Variants in AIM2 observed in about 807,000 individuals in gnomAD.
The protein encoded by AIM2 is absent in melanoma 2.
Under a neutral mutation model 27.7 loss-of-function variants are expected in AIM2, and 30 were observed. The ratio of observed to expected loss-of-function variants is 1.08; its 90% CI spans 0.81 to 1.47. AIM2 has a LOEUF of 1.47. AIM2 is among the 40% of genes most tolerant of loss of function. AIM2 has a pLI of 0.00. For missense variants in AIM2, 358 were observed against 411.3 expected (o/e 0.87, Z 1.12); for synonymous variants, 141 against 145.3 (o/e 0.97, Z 0.21).
At chr1:159,139,388 T>C (rs999119335) in intron 1 of AIM2, among the ~76,000 whole-genome samples, 1 of 152,228 alleles carries the variant, frequency 6.6e-6, no homozygotes, top group Non-Finnish European at 1.5e-5. Context: ...TTCCCTATTT[T>C]GTGTCCAGGT....
chr1:159,142,384 T>C (rs956696409), upstream of AIM2, among the ~76,000 whole-genome samples: 7 of 152,194 alleles, frequency 4.6e-5, no homozygotes, highest in African/African-American at 1.7e-4. Context: ...TGTGTAAGTA[T>C]GTGTGAACGT....
At chr1:159,109,224 G>C (rs888062860) in intron 1 of AIM2, among the ~76,000 whole-genome samples, 3 of 152,118 alleles carry the variant, frequency 2.0e-5, no homozygotes, top group Non-Finnish European at 4.4e-5. Context: ...TAGAGCAATG[G>C]AACAGAATAG....
At chr1:159,097,086 G>C (rs1657196640) in intron 1 of AIM2, among the ~76,000 whole-genome samples, 1 of 151,956 alleles carries the variant, frequency 6.6e-6, no homozygotes, top group African/African-American at 2.4e-5. Context: ...ATGAATTCTT[G>C]AGCTGCAGGA....
intron 1 of AIM2, among the ~76,000 whole-genome samples, chr1:159,114,068 T>C (rs1328985798): frequency 6.6e-6 from 1 of 152,226 alleles, no homozygotes; most frequent in Non-Finnish European, 1.5e-5. Context: ...AAGATTATTT[T>C]AGGTGTAGAG....
chr1:159,128,260 T>TACAC (rs35254795), intron 1 of AIM2, among the ~76,000 whole-genome samples: 11,910 of 147,760 alleles, frequency 0.081, 609 homozygotes, highest in African/African-American at 0.15. Context: ...TGCCAAGGCT[T>TACAC]ACACACACAC....
At chr1:159,085,437 A>G (rs1656885592) in intron 1 of AIM2, among the ~76,000 whole-genome samples, 1 of 152,238 alleles carries the variant, frequency 6.6e-6, no homozygotes, top group African/African-American at 2.4e-5. Context: ...TGATAGTGTC[A>G]TTACAGAGAC....
At chr1:159,137,879 C>T (rs950305225) in intron 1 of AIM2, among the ~76,000 whole-genome samples, 1 of 152,134 alleles carries the variant, frequency 6.6e-6, no homozygotes, top group Admixed American at 6.5e-5. Flanking sequence ...TGAACGACAT[C>T]CCTCATGAGA....
downstream of AIM2, among the ~76,000 whole-genome samples, chr1:159,057,556 T>C (rs902161445): frequency 6.6e-6 from 1 of 152,172 alleles, no homozygotes; most frequent in African/African-American, 2.4e-5. Context: ...GCAGGATTAT[T>C]GCTCAGAACT....
intron 1 of AIM2, among the ~76,000 whole-genome samples, chr1:159,110,919 G>A (rs879266958): frequency 7.9e-5 from 12 of 152,030 alleles, no homozygotes; most frequent in African/African-American, 1.4e-4. Context: ...TGAGAGTGTG[G>A]GACTCTTGCA....
intron 1 of AIM2, among the ~76,000 whole-genome samples, chr1:159,111,805 A>AAC (rs1557908542): frequency 2.0e-5 from 3 of 147,390 alleles, no homozygotes; most frequent in Admixed American, 6.8e-5. Flanking sequence ...AAAAAAAAAA[A>AAC]AAAAAAAAAC....
upstream of AIM2, among the ~76,000 whole-genome samples, chr1:159,077,996 T>A (rs1454493883): frequency 6.6e-6 from 1 of 152,188 alleles, no homozygotes; most frequent in Non-Finnish European, 1.5e-5. Flanking sequence ...CTCAAGATGC[T>A]CAAGGAGCAG....
Position 159,139,918 on chromosome 1 carries a change from C to A in AIM2, c.-16+513G>T, listed in dbSNP as rs7536264. On this transcript the variant is annotated intron_variant, in intron 1 of 2. Transcript: ENST00000368129. ...TATAGAAATAATATCCTTACCTTCT[C>A]GGAATTCTCATGGTTAAGCACCTCC... 8.7e-3 allele frequency among the ~76,000 whole-genome samples: 1,317 copies of A among 152,226 alleles called. 26 individuals carry two copies. The highest frequency in any genetic ancestry group is 0.029 in the African/African-American group (1,224 of 41,532).
At chr1:159,061,890 T>C (rs1198004094), downstream of AIM2, among the ~76,000 whole-genome samples, 1 of 152,206 alleles carries the variant, frequency 6.6e-6, no homozygotes, top group Non-Finnish European at 1.5e-5. Flanking sequence ...TCTTTAATCT[T>C]TGCCTACACC....
At chr1:159,073,626 G>T in intron 1 of AIM2, 107 bp from the exon 2 acceptor site, 1 of 1,166,042 alleles carries the variant, frequency 8.6e-7, no homozygotes, top group Non-Finnish European at 1.2e-6. Flanking sequence ...TAAAATATTT[G>T]CAGTAGTAAA....
At chr1:159,145,216 C>G (rs898672342), upstream of AIM2, among the ~76,000 whole-genome samples, 1 of 152,126 alleles carries the variant, frequency 6.6e-6, no homozygotes, top group African/African-American at 2.4e-5. Flanking sequence ...GTCATAACTC[C>G]TACCCCTTAA....
chr1:159,086,447 T>A (rs1656913226), intron 1 of AIM2, among the ~76,000 whole-genome samples: 1 of 152,232 alleles, frequency 6.6e-6, no homozygotes, highest in Non-Finnish European at 1.5e-5. Flanking sequence ...CTTCCTGGCC[T>A]CCCTCTGCCC....
downstream of AIM2, among the ~76,000 whole-genome samples, chr1:159,059,522 A>C (rs1349240488): frequency 6.6e-6 from 1 of 152,190 alleles, no homozygotes; most frequent in Admixed American, 6.5e-5. Flanking sequence ...TCTAAATTCA[A>C]ATTTGACTTA....
chr1:159,064,074 G>A (rs1234016678), intron 4 of AIM2, among the ~76,000 whole-genome samples: 5 of 152,058 alleles, frequency 3.3e-5, no homozygotes, highest in South Asian at 4.1e-4. Flanking sequence ...TATGTTGTCC[G>A]TAAGTCTTCT....
At chr1:159,066,401 C>T (rs1656097514) in intron 3 of AIM2, 72 bp from the exon 4 acceptor site, 1 of 1,472,722 alleles carries the variant, frequency 6.8e-7, no homozygotes, top group African/African-American at 1.4e-5. Context: ...ACTTCACCTA[C>T]AGTGCTAAAC....
Sources: gnomAD v4.1 joint callset for allele counts (sites outside exome capture counted in the v4.1 genomes callset) on GRCh38, gnomAD v4.1.1 for gene constraint, MANE v1.5 for transcripts, NCBI Gene and HGNC (gene_info 2026-07-23, HGNC 2026-07-21) for gene names.